The following ANXA6 variants were observed in gnomAD, a reference collection of about 807,000 sequenced individuals.
ANXA6 encodes 67 kDa calelectrin.
In ANXA6, 71 loss-of-function variants were observed where a neutral mutation model predicts 95.4. That is an observed-to-expected ratio of 0.74 (90% CI 0.61 to 0.91). The LOEUF (loss-of-function observed/expected upper bound fraction) is 0.91. Among genes scored for constraint, ANXA6 ranks in the 40% least tolerant of loss-of-function variants. The pLI, the probability that ANXA6 is intolerant of heterozygous loss-of-function variation, is 0.00. For synonymous variants in ANXA6, 289 were observed against 315.9 expected, an observed-to-expected ratio of 0.91 and a Z score of 0.90; for missense variants, 830 against 876.4, an observed-to-expected ratio of 0.95 and a Z score of 0.67.
chr5:151,148,407 C>A, intron 1 of ANXA6, among the ~76,000 whole-genome samples: 1 of 152,188 alleles, frequency 6.6e-6, no homozygotes, highest in East Asian at 1.9e-4. Context: ...GCCCCCTTTT[C>A]AAGTCAACAA....
At chr5:151,135,412 A>G (rs1292832543) in intron 7 of ANXA6, among the ~76,000 whole-genome samples, 6 of 152,230 alleles carry the variant, frequency 3.9e-5, no homozygotes, top group Non-Finnish European at 5.9e-5. Flanking sequence ...CAGCTGGTTA[A>G]TATGGGATTG....
intron 23 of ANXA6, 126 bp downstream of exon 23, chr5:151,108,328 TG>T: frequency 1.2e-6 from 1 of 850,052 alleles, no homozygotes; most frequent in Non-Finnish European, 2.0e-6. Flanking sequence ...GCAGCACCCC[TG>T]GAGGCGAACT....
intron 20 of ANXA6, among the ~76,000 whole-genome samples, chr5:151,112,415 T>C (rs1415232947): frequency 6.6e-6 from 1 of 152,242 alleles, no homozygotes; most frequent in Non-Finnish European, 1.5e-5. Flanking sequence ...TTTTTTATTC[T>C]TCCTGAAAAT....
At chr5:151,113,979 T>G (rs998495293) in intron 20 of ANXA6, among the ~76,000 whole-genome samples, 5 of 152,194 alleles carry the variant, frequency 3.3e-5, no homozygotes, top group African/African-American at 1.2e-4. Context: ...CACTGTTAAG[T>G]GTTTAACATA....
intron 14 of ANXA6, among the ~76,000 whole-genome samples, chr5:151,125,341 CA>C (rs34691391): frequency 0.14 from 16,008 of 117,824 alleles, 601 homozygotes; most frequent in South Asian, 0.18. Context: ...GACCCTGTCT[CA>C]AAAAAAAAAA....
intron 7 of ANXA6, among the ~76,000 whole-genome samples, 160 bp downstream of exon 7, chr5:151,136,096 G>A (rs1055368198): frequency 9.9e-5 from 15 of 152,254 alleles, no homozygotes; most frequent in South Asian, 6.2e-4. Flanking sequence ...TCCTGGGCAC[G>A]AGAGGACTGT....
intron 11 of ANXA6, 56 bp from the exon 12 acceptor site, chr5:151,129,585 T>C (rs554876076): frequency 5.2e-6 from 8 of 1,537,562 alleles, no homozygotes; most frequent in South Asian, 2.4e-5. Flanking sequence ...AGAGTGCTGA[T>C]AGCTCCCAGC....
At chr5:151,108,891 C>G (rs1764772233) in intron 22 of ANXA6, among the ~76,000 whole-genome samples, 1 of 152,188 alleles carries the variant, frequency 6.6e-6, no homozygotes, top group Admixed American at 6.5e-5. Context: ...ACTGAGGGAC[C>G]TTGGGTGATC....
chr5:151,143,945 A>T (rs1424344102), intron 2 of ANXA6, among the ~76,000 whole-genome samples: 1 of 152,172 alleles, frequency 6.6e-6, no homozygotes, highest in Non-Finnish European at 1.5e-5. Context: ...GAGACACATG[A>T]CAAAGACCTG....
chr5:151,107,495 C>A (rs1764727913), intron 23 of ANXA6, among the ~76,000 whole-genome samples: 1 of 152,346 alleles, frequency 6.6e-6, no homozygotes, highest in East Asian at 1.9e-4. Flanking sequence ...CTAAACAACA[C>A]CCCTACCACC....
At chr5:151,155,466 CTG>C (rs992441143) in intron 1 of ANXA6, 20 of 152,316 alleles carry the variant, frequency 1.3e-4, no homozygotes, top group African/African-American at 4.3e-4. Context: ...TAGCCAGTCT[CTG>C]TGGGGGCTTC....
At chr5:151,106,198 C>G (rs928764527) in intron 23 of ANXA6, among the ~76,000 whole-genome samples, 7 of 152,082 alleles carry the variant, frequency 4.6e-5, no homozygotes, top group Non-Finnish European at 8.8e-5. Flanking sequence ...TCACCAACCC[C>G]GCCCTTTCTC....
chr5:151,119,412 G>A, intron 17 of ANXA6, 22 bp from the exon 18 acceptor site: 1 of 1,609,242 alleles, frequency 6.2e-7, no homozygotes, highest in South Asian at 1.1e-5. Flanking sequence ...AGGCAAAGAT[G>A]ATCTCAGCCA....
At chr5:151,115,847 G>GT (rs1764984315) in intron 20 of ANXA6, among the ~76,000 whole-genome samples, 1 of 152,202 alleles carries the variant, frequency 6.6e-6, no homozygotes, top group Non-Finnish European at 1.5e-5. Flanking sequence ...ACAGCTATTT[G>GT]ATGTGGAAGC....
intron 2 of ANXA6, among the ~76,000 whole-genome samples, chr5:151,144,027 T>A (rs1765911562): frequency 6.6e-6 from 1 of 152,130 alleles, no homozygotes; most frequent in Admixed American, 6.5e-5. Flanking sequence ...TGGCTGTCAC[T>A]AAGATCATCC....
chr5:151,104,535 T>C (rs1389064229), intron 24 of ANXA6, among the ~76,000 whole-genome samples: 1 of 152,242 alleles, frequency 6.6e-6, no homozygotes, highest in Non-Finnish European at 1.5e-5. Flanking sequence ...AGGACTGCCA[T>C]GAGGGTCAGC....
At chr5:151,155,602 G>A (rs906537575) in intron 1 of ANXA6, 1 of 152,192 alleles carries the variant, frequency 6.6e-6, no homozygotes, top group African/African-American at 2.4e-5. Flanking sequence ...CAGGAATCAC[G>A]GTAGAGACCA....
chr5:151,147,986 C>T, intron 1 of ANXA6, 60 bp from the exon 2 acceptor site: 2 of 1,480,324 alleles, frequency 1.4e-6, no homozygotes, highest in Non-Finnish European at 1.9e-6. Context: ...CCCTTTCTTT[C>T]CCTTACATTT....
intron 1 of ANXA6, among the ~76,000 whole-genome samples, chr5:151,157,356 A>G (rs796219513): frequency 1.4e-4 from 22 of 151,858 alleles, no homozygotes; most frequent in African/African-American, 5.3e-4. Context: ...AGCCCCCCCA[A>G]ATTAAGGCCG....
Sources: allele counts gnomAD v4.1 joint callset (sites outside exome capture counted in the v4.1 genomes callset), GRCh38; gene constraint gnomAD v4.1.1; transcripts MANE v1.5; gene names NCBI Gene and HGNC (gene_info 2026-07-23, HGNC 2026-07-21).